Variants in SAMD12 observed in about 807,000 individuals in gnomAD.
The protein encoded by SAMD12 is sterile alpha motif domain-containing protein 12.
In SAMD12, 9 loss-of-function variants were observed where a neutral mutation model predicts 15.0. The observed-to-expected ratio is 0.60, with a 90% CI of 0.36 to 1.05. The LOEUF (loss-of-function observed/expected upper bound fraction) is 1.05, where lower values mean the gene tolerates loss of function less well. Among genes scored for constraint, SAMD12 ranks in the 50% least tolerant of loss-of-function variants. The pLI is 0.01. For synonymous variants in SAMD12, 86 were observed against 90.1 expected, an observed-to-expected ratio of 0.96 and a Z score of 0.25; for missense variants, 230 against 234.2, an observed-to-expected ratio of 0.98 and a Z score of 0.12.
chr8:118,562,990 T>A (rs920056070), intron 2 of SAMD12, among the ~76,000 whole-genome samples: 7 of 152,272 alleles, frequency 4.6e-5, no homozygotes, highest in Admixed American at 3.9e-4. Context: ...TCGCTATATT[T>A]GAGGAGTGAA....
rs189827449 is a variant in SAMD12 at position 118,521,889 on chromosome 8, T to C, written c.192+58826A>G. The stretch of plus-strand genomic sequence containing the variant: ...ACCTTCATTGTGTAGGGAGATATTT[T>C]TGCTTAGTTTTTCAAACCCATATAG... On this transcript the variant is annotated intron_variant, in intron 2 of 3. Coordinates refer to ENST00000314727, the MANE Select transcript of SAMD12 (RefSeq NM_207506.3). Among the ~76,000 whole-genome samples, 267 of 152,260 alleles carry C rather than the reference T, an allele frequency of 1.8e-3. 1 individual carries two copies. Among genetic ancestry groups the C allele is most frequent in the Non-Finnish European group, 3.2e-3 (217 of 68,012 alleles).
intron 4 of SAMD12, among the ~76,000 whole-genome samples, chr8:118,277,931 A>T (rs1813512099): frequency 6.6e-6 from 1 of 152,138 alleles, no homozygotes; most frequent in South Asian, 2.1e-4. Context: ...GGTAATTTCC[A>T]CAGCAAACAA....
intron 2 of SAMD12, among the ~76,000 whole-genome samples, chr8:118,545,418 G>T (rs902395051): frequency 5.3e-5 from 8 of 152,134 alleles, no homozygotes; most frequent in Non-Finnish European, 1.0e-4. Flanking sequence ...AGTGAACCAA[G>T]ATCGTGCCAT....
intron 4 of SAMD12, among the ~76,000 whole-genome samples, chr8:118,367,120 A>G (rs1818842600): frequency 6.6e-6 from 1 of 152,036 alleles, no homozygotes; most frequent in Non-Finnish European, 1.5e-5. Context: ...AGGCTTGAAC[A>G]TCTACACTGT....
intron 1 of SAMD12, among the ~76,000 whole-genome samples, chr8:118,593,927 G>A (rs1372244056): frequency 6.6e-6 from 1 of 152,128 alleles, no homozygotes; most frequent in Non-Finnish European, 1.5e-5. Context: ...CTGCTGTTCT[G>A]ACTTTCATAC....
At chr8:118,543,678 A>AT (rs34989656) in intron 2 of SAMD12, among the ~76,000 whole-genome samples, 49,924 of 123,018 alleles carry the variant, frequency 0.41, 8,909 homozygotes, top group Middle Eastern at 0.5. Flanking sequence ...GCATTAGTGT[A>AT]TTTATGTGTG....
At chr8:118,405,053 T>C (rs1312070067) in intron 3 of SAMD12, among the ~76,000 whole-genome samples, 2 of 152,192 alleles carry the variant, frequency 1.3e-5, no homozygotes, top group East Asian at 3.8e-4. Flanking sequence ...TGGATTATTC[T>C]TACAACTGCA....
chr8:118,451,536 G>C (rs1823081344), intron 2 of SAMD12, among the ~76,000 whole-genome samples: 1 of 152,178 alleles, frequency 6.6e-6, no homozygotes, highest in South Asian at 2.1e-4. Flanking sequence ...ATTTTACAAA[G>C]TGTTGTGAAG....
At chr8:118,295,853 C>A (rs1285797536) in intron 4 of SAMD12, among the ~76,000 whole-genome samples, 1 of 151,836 alleles carries the variant, frequency 6.6e-6, no homozygotes, top group Non-Finnish European at 1.5e-5. Flanking sequence ...CAATATAGAC[C>A]AGGCTGATTT....
At chr8:118,492,570 T>G (rs974329457) in intron 2 of SAMD12, among the ~76,000 whole-genome samples, 1 of 152,216 alleles carries the variant, frequency 6.6e-6, no homozygotes, top group Non-Finnish European at 1.5e-5. Flanking sequence ...TCTCTGCTGT[T>G]TCACATCTAC....
chr8:118,197,932 C>G (rs956951459), intron 4 of SAMD12, among the ~76,000 whole-genome samples: 1 of 152,134 alleles, frequency 6.6e-6, no homozygotes, highest in African/African-American at 2.4e-5. Flanking sequence ...TACCATTTGG[C>G]AAGGCATGGA....
At chr8:118,219,614 T>C (rs1196251796) in intron 4 of SAMD12, among the ~76,000 whole-genome samples, 1 of 152,220 alleles carries the variant, frequency 6.6e-6, no homozygotes, top group Non-Finnish European at 1.5e-5. Context: ...GTTCTGGGCC[T>C]GGCCTGTCAG....
intron 2 of SAMD12, among the ~76,000 whole-genome samples, chr8:118,507,125 T>C (rs549177693): frequency 3.3e-5 from 5 of 152,212 alleles, no homozygotes; most frequent in East Asian, 1.9e-4. Context: ...ATTCCATGAA[T>C]TCTACAACGC....
intron 4 of SAMD12, among the ~76,000 whole-genome samples, chr8:118,248,706 C>T (rs1201958385): frequency 3.3e-5 from 5 of 152,082 alleles, no homozygotes; most frequent in South Asian, 2.1e-4. Context: ...AATTAAAATG[C>T]GATCAGCACT....
chr8:118,463,468 A>C (rs898472978), intron 2 of SAMD12, among the ~76,000 whole-genome samples: 13 of 152,168 alleles, frequency 8.5e-5, no homozygotes, highest in Non-Finnish European at 1.3e-4. Context: ...AGTGGGCAGG[A>C]GAAAACCGGG....
At chr8:118,282,948 A>C (rs567544067) in intron 4 of SAMD12, among the ~76,000 whole-genome samples, 1 of 152,214 alleles carries the variant, frequency 6.6e-6, no homozygotes, top group South Asian at 2.1e-4. Flanking sequence ...ACATTGGTAG[A>C]ATGAACTTTA....
chr8:118,154,523 C>T, the SAMD12 span, among the ~76,000 whole-genome samples: 2 of 152,092 alleles, frequency 1.3e-5, no homozygotes, highest in African/African-American at 4.8e-5. Context: ...TCAGAGAAGC[C>T]CCAGGAAGAA....
intron 1 of SAMD12, among the ~76,000 whole-genome samples, chr8:118,601,691 C>A (rs926713156): frequency 1.3e-5 from 2 of 152,192 alleles, no homozygotes. Context: ...AAAGCAACAT[C>A]ACAGAGCAAA....
chr8:118,320,076 A>G (rs1410273730), intron 4 of SAMD12, among the ~76,000 whole-genome samples: 4 of 152,290 alleles, frequency 2.6e-5, no homozygotes, highest in Admixed American at 6.5e-5. Context: ...AGAAGAGTGA[A>G]TTTCCTGAAG....
Sources: allele counts gnomAD v4.1 joint callset (sites outside exome capture counted in the v4.1 genomes callset), GRCh38; gene constraint gnomAD v4.1.1; transcripts MANE v1.5; gene names NCBI Gene and HGNC (gene_info 2026-07-23, HGNC 2026-07-21).